The following VDAC1 variants were observed in gnomAD, a reference collection of about 807,000 sequenced individuals.
VDAC1 encodes the protein voltage dependent anion channel 1, also known as non-selective voltage-gated ion channel VDAC1.
Under a neutral mutation model 34.7 loss-of-function variants are expected in VDAC1, and 10 were observed. The observed-to-expected ratio is 0.29, with a 90% confidence interval of 0.18 to 0.49. The LOEUF is 0.49. Among genes scored for constraint, VDAC1 ranks in the 20% least tolerant of loss-of-function variants. VDAC1 has a pLI of 0.99. For missense variants in VDAC1, 230 were observed against 347.9 expected (o/e 0.66, Z 2.69); for synonymous variants, 130 against 136.0 (o/e 0.96, Z 0.30).
At chr5:134,067,621 AAGAAGG>A in the VDAC1 span, among the ~76,000 whole-genome samples, 1 of 47,138 alleles carries the variant, frequency 2.1e-5, no homozygotes, top group Admixed American at 2.5e-4. Flanking sequence ...TTAAAAAAAG[AAGAAGG>A]AGGAGGAGAA....
intron 1 of VDAC1, among the ~76,000 whole-genome samples, chr5:134,001,789 C>T (rs910846917): frequency 6.6e-6 from 1 of 151,816 alleles, no homozygotes; most frequent in Admixed American, 6.6e-5. Flanking sequence ...GAGACCGACC[C>T]TATGGCTCAC....
At chr5:134,013,470 G>C in the VDAC1 span, among the ~76,000 whole-genome samples, 13 of 151,988 alleles carry the variant, frequency 8.6e-5, no homozygotes, top group Admixed American at 6.6e-4. Context: ...ATTGACAAGT[G>C]GGACCTAATT....
At chr5:134,071,905 C>T in the VDAC1 span, among the ~76,000 whole-genome samples, 1 of 152,138 alleles carries the variant, frequency 6.6e-6, no homozygotes, top group Non-Finnish European at 1.5e-5. The surrounding 1 kb of genome is among the most constrained non-coding windows in gnomAD (Gnocchi z 4.1). Context: ...TCTCCCCTCT[C>T]TGTACATGCT....
the VDAC1 span, among the ~76,000 whole-genome samples, chr5:134,072,588 G>A: frequency 1.3e-5 from 2 of 152,214 alleles, no homozygotes; most frequent in African/African-American, 4.8e-5. Flanking sequence ...GCTCTGCTCT[G>A]GGCAGAAACA....
chr5:134,056,194 TA>T, the VDAC1 span, among the ~76,000 whole-genome samples: 1 of 138,430 alleles, frequency 7.2e-6, no homozygotes, highest in Non-Finnish European at 1.5e-5. Context: ...TGAGCCGATA[TA>T]GCACCATTGC....
At chr5:134,087,427 A>AC in the VDAC1 span, among the ~76,000 whole-genome samples, 1 of 151,880 alleles carries the variant, frequency 6.6e-6, no homozygotes, top group Non-Finnish European at 1.5e-5. Flanking sequence ...CCACAGCCCA[A>AC]CCCCCTCCAC....
At chr5:134,033,697 A>G in the VDAC1 span, among the ~76,000 whole-genome samples, 1 of 151,528 alleles carries the variant, frequency 6.6e-6, no homozygotes, top group Admixed American at 6.6e-5. Flanking sequence ...AAGTAAAAAA[A>G]GAGTCGAAAT....
intron 5 of VDAC1, among the ~76,000 whole-genome samples, chr5:133,982,673 T>C (rs1485523436): frequency 1.3e-5 from 2 of 151,776 alleles, no homozygotes; most frequent in Non-Finnish European, 2.9e-5. Context: ...GTGGATCACC[T>C]GAGGTCAGGA....
chr5:134,052,991 T>G, the VDAC1 span, among the ~76,000 whole-genome samples: 2 of 152,194 alleles, frequency 1.3e-5, 1 homozygote, highest in Admixed American at 1.3e-4. Flanking sequence ...GGTGCACGCC[T>G]GTAATCCCAG....
At chr5:134,031,648 T>G in the VDAC1 span, among the ~76,000 whole-genome samples, 1 of 151,976 alleles carries the variant, frequency 6.6e-6, no homozygotes, top group Non-Finnish European at 1.5e-5. Context: ...AAACCCCATC[T>G]CTACTAAAAT....
the VDAC1 span, among the ~76,000 whole-genome samples, chr5:134,039,624 C>A: frequency 6.6e-6 from 1 of 152,100 alleles, no homozygotes; most frequent in African/African-American, 2.4e-5. Context: ...CCACCGCGCC[C>A]GGCAGACGTG....
At chr5:134,044,402 G>C in the VDAC1 span, among the ~76,000 whole-genome samples, 16 of 152,286 alleles carry the variant, frequency 1.1e-4, no homozygotes, top group Admixed American at 1.0e-3. Flanking sequence ...CATCCTTCCT[G>C]TCGGGGAACC....
the VDAC1 span, among the ~76,000 whole-genome samples, chr5:134,062,559 T>C: frequency 6.6e-6 from 1 of 151,748 alleles, no homozygotes; most frequent in African/African-American, 2.4e-5. Context: ...ACTAACCTCA[T>C]AAAGTTAATT....
chr5:134,059,552 G>A, the VDAC1 span, among the ~76,000 whole-genome samples: 1 of 152,024 alleles, frequency 6.6e-6, no homozygotes, highest in South Asian at 2.1e-4. Flanking sequence ...GAAGCCCGTC[G>A]CGCTGTTTCA....
the VDAC1 span, among the ~76,000 whole-genome samples, chr5:134,092,494 G>C: frequency 1.3e-5 from 2 of 151,950 alleles, no homozygotes; most frequent in Non-Finnish European, 2.9e-5. Context: ...TTGAATCCTG[G>C]GGTAGTGTCT....
chr5:133,996,342 C>A (rs373404869), intron 1 of VDAC1, among the ~76,000 whole-genome samples: 16 of 152,210 alleles, frequency 1.1e-4, no homozygotes, highest in African/African-American at 3.6e-4. Context: ...ACCTACCCAA[C>A]CTTTCCTTGG....
At position 133,973,831 on chromosome 5, in the gene VDAC1, G is replaced by A. The variant is rs375859645; in HGVS notation, c.720C>T (p.Ser240=). Residue 240 remains serine (S), a synonymous_variant, in exon 8 of 9, where the codon TCC becomes TCT. Transcript: ENST00000265333. ...DACFSAKVNN[S]SLIGLGYTQT... Reference sequence around the variant, plus strand: ...GAGTGTATCCTAAACCTATCAGGCTGGAGTTGTTCACTTTAGCCTAATCAA... The same window carrying A: ...GAGTGTATCCTAAACCTATCAGGCTAGAGTTGTTCACTTTAGCCTAATCAA... The A allele has an allele frequency of 4.3e-5, 70 of 1,613,032 alleles. 1 individual carries two copies. Among genetic ancestry groups the A allele is most frequent in the Non-Finnish European group, 5.3e-5 (63 of 1,179,892 alleles).
rs958204252 is a variant in VDAC1, at chr5:133,983,871, C to T, written c.324-2915G>A. Among the ~76,000 whole-genome samples, 3 of 146,588 alleles carry T rather than the reference C, an allele frequency of 2.0e-5. No homozygotes were observed. The Admixed American group carries it at 2.1e-4, about 10-fold the overall frequency. On this transcript the variant is annotated intron_variant, in intron 5 of 8. Transcript: ENST00000265333. Reference sequence around the variant, plus strand: ...GTTGTTTGCGTGTGGCACCTCCCCACCACTCTCTCTCTCTTGCTCCTGCTC... The same window carrying T: ...GTTGTTTGCGTGTGGCACCTCCCCATCACTCTCTCTCTCTTGCTCCTGCTC...
the VDAC1 span, among the ~76,000 whole-genome samples, chr5:134,059,224 T>C: frequency 6.6e-6 from 1 of 152,102 alleles, no homozygotes; most frequent in Non-Finnish European, 1.5e-5. Flanking sequence ...TGGGCACTCT[T>C]ACAGCTTCCC....
Sources: allele counts gnomAD v4.1 joint callset (sites outside exome capture counted in the v4.1 genomes callset), GRCh38; gene constraint gnomAD v4.1.1; non-coding constraint Gnocchi (gnomAD v3.1); transcripts MANE v1.5; gene names NCBI Gene and HGNC (gene_info 2026-07-23, HGNC 2026-07-21).